FAM107A: variants seen among roughly 807,000 people sequenced by gnomAD.
FAM107A encodes the protein family with sequence similarity 107 member A.
A neutral mutation model predicts 13.7 loss-of-function variants in FAM107A; 19 were observed. The ratio of observed to expected loss-of-function variants is 1.38; its 90% CI spans 0.97 to 2.03. The LOEUF is 2.03. FAM107A is among the 30% of genes most tolerant of loss of function. The pLI, the probability that FAM107A is intolerant of heterozygous loss-of-function variation, is 0.00. For synonymous variants in FAM107A, 82 were observed against 74.5 expected (o/e 1.10, Z -0.52); for missense variants, 203 against 184.4 (o/e 1.10, Z -0.58).
chr3:58,598,512 G>A (rs973838389), intron 1 of FAM107A, among the ~76,000 whole-genome samples: 3 of 152,194 alleles, frequency 2.0e-5, no homozygotes, highest in African/African-American at 7.2e-5. Context: ...CCCCCAGCAG[G>A]CAGCAGCAGC....
In FAM107A at chr3:58,613,542, G is replaced by A. The variant is rs2065873963; in HGVS notation, c.-70+13874C>T. On this transcript the variant is annotated intron_variant, in intron 1 of 3. Coordinates refer to the FAM107A transcript ENST00000465970. The surrounding 1 kb of genome is among the most constrained non-coding windows in gnomAD (Gnocchi z 4.6). The stretch of plus-strand genomic sequence containing the variant: ...GACCAACTTGCTCTCAGTGCCCTGA[G>A]TGCCAGCAAGGCCTCTCTCCTCTGG... 6.6e-6 allele frequency among the ~76,000 whole-genome samples: 1 copy of A among 152,194 alleles called. No individual in the cohort carries two copies. Among genetic ancestry groups the A allele is most frequent in the Admixed American group, 6.5e-5 (1 of 15,282 alleles).
intron 2 of FAM107A, among the ~76,000 whole-genome samples, chr3:58,568,744 C>A (rs1040766733): frequency 6.6e-6 from 1 of 152,208 alleles, no homozygotes; most frequent in Non-Finnish European, 1.5e-5. Flanking sequence ...GGCTCTAATA[C>A]CAGAATCGGC....
chr3:58,564,347 C>G lies in FAM107A; in HGVS notation c.*2241G>C, dbSNP rs1439666267. 6.6e-6 allele frequency: 1 copy of G among 151,760 alleles called. No individual in the cohort carries two copies. The highest frequency in any genetic ancestry group is 1.5e-5 in the Non-Finnish European group (1 of 68,068). 9.4% of individuals were successfully genotyped at this position (151,760 alleles called of 1,614,324 possible). On this transcript the variant is annotated 3_prime_UTR_variant, in exon 4 of 4. Transcript: ENST00000360997. The surrounding 1 kb of genome is among the most constrained non-coding windows in gnomAD (Gnocchi z 5.6). ...CTGTGTCTTTTATTGGAAAAGCTTT[C>G]CCAGAAGCCCAGGTAGACTTCCTCT...
intron 1 of FAM107A, among the ~76,000 whole-genome samples, chr3:58,575,906 T>C (rs1421669115): frequency 6.6e-6 from 1 of 152,230 alleles, no homozygotes; most frequent in Non-Finnish European, 1.5e-5. Flanking sequence ...TCCTCATTAC[T>C]GTTCAAGCTG....
In FAM107A at chr3:58,616,564, C is replaced by CACAT. The variant is rs1352564908; in HGVS notation, c.-70+10851_-70+10852insATGT. On this transcript the variant is annotated intron_variant, in intron 1 of 3. Transcript: ENST00000465970. ...ACACACACACACACACACACACACA[C>CACAT]ACACCACCACTACCACCACCACCAC... is the stretch of plus-strand genomic sequence containing the variant. 1.5e-4 allele frequency among the ~76,000 whole-genome samples: 22 copies of CACAT among 149,886 alleles called. No homozygotes were observed. In the East Asian group the frequency reaches 4.4e-3, roughly 30 times the overall value.
chr3:58,602,056 C>G (rs190759549), intron 1 of FAM107A, among the ~76,000 whole-genome samples: 1 of 152,124 alleles, frequency 6.6e-6, no homozygotes, highest in Admixed American at 6.5e-5. Flanking sequence ...TGAGGCAGAG[C>G]TTTGAGAGCT....
At chr3:58,575,679 A>G (rs184190004) in intron 1 of FAM107A, among the ~76,000 whole-genome samples, 3 of 152,332 alleles carry the variant, frequency 2.0e-5, no homozygotes, top group South Asian at 2.1e-4. Context: ...AGAAACCCCA[A>G]TGAAGAGGCT....
intron 2 of FAM107A, among the ~76,000 whole-genome samples, chr3:58,567,858 G>C (rs1400751459): frequency 1.3e-5 from 2 of 152,070 alleles, no homozygotes; most frequent in Non-Finnish European, 1.5e-5. Flanking sequence ...CTTTTCATTT[G>C]TTTCTTTATT....
intron 1 of FAM107A, among the ~76,000 whole-genome samples, chr3:58,606,778 C>T (rs1382075679): frequency 2.0e-5 from 3 of 152,248 alleles, no homozygotes; most frequent in Non-Finnish European, 4.4e-5. Context: ...AGTCTACTCT[C>T]AATTTCCTTT....
At chr3:58,621,126 C>T (rs1411270146) in intron 1 of FAM107A, among the ~76,000 whole-genome samples, 1 of 152,110 alleles carries the variant, frequency 6.6e-6, no homozygotes, top group Non-Finnish European at 1.5e-5. Context: ...GGGAGGAAAT[C>T]ATTCAGGGAC....
upstream of FAM107A, among the ~76,000 whole-genome samples, chr3:58,590,446 T>C (rs1463932232): frequency 6.6e-6 from 1 of 152,238 alleles, no homozygotes; most frequent in Non-Finnish European, 1.5e-5. Context: ...AATGCCTGGA[T>C]ACCAACAGTA....
Position 58,609,932 on chromosome 3 carries a change from T to A in FAM107A, c.-70+17484A>T, listed in dbSNP as rs139457606. On this transcript the variant is annotated intron_variant, in intron 1 of 3. Transcript: ENST00000465970. ...GGGGTTATTTCTTGGCTGGTTAATA[T>A]GTAAAGTGCTTAGAATGGCACTTGG... is the stretch of plus-strand genomic sequence containing the variant. Among the ~76,000 whole-genome samples the A allele has an allele frequency of 1.7e-4, 26 of 152,304 alleles. No individual in the cohort carries two copies. In the East Asian group the frequency reaches 5.0e-3, roughly 29 times the overall value.
chr3:58,578,735 A>G (rs1300863039), upstream of FAM107A, among the ~76,000 whole-genome samples: 1 of 152,152 alleles, frequency 6.6e-6, no homozygotes, highest in Non-Finnish European at 1.5e-5. Context: ...GTGTCATCCT[A>G]GTTCCCCAGT....
chr3:58,588,966 C>A (rs73091458), upstream of FAM107A, among the ~76,000 whole-genome samples: 11,268 of 152,196 alleles, frequency 0.074, 501 homozygotes, highest in Non-Finnish European at 0.097. Flanking sequence ...GATGGTTATG[C>A]CCCTTTTACA....
chr3:58,592,479 T>C (rs1275587736), intron 1 of FAM107A, among the ~76,000 whole-genome samples: 1 of 152,200 alleles, frequency 6.6e-6, no homozygotes, highest in Non-Finnish European at 1.5e-5. Flanking sequence ...ACTGGATAGG[T>C]AGAGGCCTTT....
At chr3:58,616,645 C>G (rs2065904490) in intron 1 of FAM107A, among the ~76,000 whole-genome samples, 1 of 151,946 alleles carries the variant, frequency 6.6e-6, no homozygotes, top group Non-Finnish European at 1.5e-5. Context: ...TTGCAGGCAC[C>G]ACCAAAAGCT....
At chr3:58,615,594 G>A (rs10866024) in intron 1 of FAM107A, among the ~76,000 whole-genome samples, 55,682 of 151,874 alleles carry the variant, frequency 0.37, 10,438 homozygotes, top group East Asian at 0.46. Flanking sequence ...GGGGATTTTA[G>A]CTGGAGGGAA....
At chr3:58,580,801 C>T (rs918519168), upstream of FAM107A, among the ~76,000 whole-genome samples, 1 of 151,986 alleles carries the variant, frequency 6.6e-6, no homozygotes. Context: ...AGGCCCTTCT[C>T]CTTTGTCACT....
chr3:58,578,138 C>G (rs1373155884), upstream of FAM107A, among the ~76,000 whole-genome samples: 1 of 152,194 alleles, frequency 6.6e-6, no homozygotes, highest in Non-Finnish European at 1.5e-5. Context: ...ATAGTCAAAG[C>G]TCAGCATATA....
Sources: gnomAD v4.1 joint callset for allele counts (sites outside exome capture counted in the v4.1 genomes callset) on GRCh38, gnomAD v4.1.1 for gene constraint, Gnocchi (gnomAD v3.1) non-coding constraint, MANE v1.5 for transcripts, NCBI Gene and HGNC (gene_info 2026-07-23, HGNC 2026-07-21) for gene names.